GTF2F2: variants seen among roughly 807,000 people sequenced by gnomAD.
GTF2F2 encodes general transcription factor IIF subunit 2.
GTF2F2 carries 23 observed loss-of-function variants against 42.2 expected under a neutral mutation model. The observed-to-expected ratio is 0.55, with a 90% confidence interval of 0.39 to 0.77. The LOEUF (loss-of-function observed/expected upper bound fraction) is 0.77, where lower values mean the gene tolerates loss of function less well. Among genes scored for constraint, GTF2F2 ranks in the 30% least tolerant of loss-of-function variants. GTF2F2 has a pLI of 0.00. For missense variants in GTF2F2, 261 were observed against 287.2 expected, an observed-to-expected ratio of 0.91 and a Z score of 0.66; for synonymous variants, 105 against 100.8, an observed-to-expected ratio of 1.04 and a Z score of -0.25.
At chr13:45,162,981 G>A (rs1238212141) in intron 4 of GTF2F2, among the ~76,000 whole-genome samples, 2 of 143,638 alleles carry the variant, frequency 1.4e-5, no homozygotes, top group South Asian at 2.2e-4. Context: ...TGGAGTTGGC[G>A]TGTATTATTG....
chr13:45,236,221 T>C (rs759729176), intron 5 of GTF2F2, among the ~76,000 whole-genome samples: 1 of 152,146 alleles, frequency 6.6e-6, no homozygotes, highest in Non-Finnish European at 1.5e-5. Context: ...CTCTGAGTCA[T>C]ACATACCATC....
intron 2 of GTF2F2, among the ~76,000 whole-genome samples, chr13:45,139,373 C>G (rs954995220): frequency 6.6e-6 from 1 of 152,196 alleles, no homozygotes. Context: ...TGTCCACGCT[C>G]GTAATTCTGA....
chr13:45,248,576 C>G (rs1311516131), intron 5 of GTF2F2, among the ~76,000 whole-genome samples: 1 of 152,008 alleles, frequency 6.6e-6, no homozygotes, highest in African/African-American at 2.4e-5. Context: ...TGGGTTCAAG[C>G]AATTTTCCTG....
At chr13:45,271,549 A>AT (rs1231774727) in intron 7 of GTF2F2, among the ~76,000 whole-genome samples, 2 of 147,362 alleles carry the variant, frequency 1.4e-5, no homozygotes, top group Admixed American at 6.8e-5. Context: ...CACCCAGCTA[A>AT]TTTTTTTTTT....
chr13:45,180,287 A>T (rs1232815416), intron 4 of GTF2F2, among the ~76,000 whole-genome samples: 1 of 152,174 alleles, frequency 6.6e-6, no homozygotes, highest in African/African-American at 2.4e-5. Flanking sequence ...TCACAGTTAC[A>T]TCTCTTTTCT....
At chr13:45,173,507 A>G (rs967205095) in intron 4 of GTF2F2, among the ~76,000 whole-genome samples, 6 of 151,128 alleles carry the variant, frequency 4.0e-5, no homozygotes, top group African/African-American at 1.5e-4. Flanking sequence ...ACCCTTTGTA[A>G]CCGTGCCACC....
chr13:45,167,790 C>T (rs1871367084), intron 4 of GTF2F2, among the ~76,000 whole-genome samples: 1 of 152,126 alleles, frequency 6.6e-6, no homozygotes, highest in African/African-American at 2.4e-5. Flanking sequence ...GATCCTCCCA[C>T]CTCAGGCCTC....
intron 5 of GTF2F2, among the ~76,000 whole-genome samples, chr13:45,213,872 T>C (rs1873793536): frequency 6.6e-6 from 1 of 152,208 alleles, no homozygotes; most frequent in African/African-American, 2.4e-5. Context: ...CACGTGTCTC[T>C]TGCTTTGAGA....
At chr13:45,224,222 T>G (rs528533597) in intron 5 of GTF2F2, among the ~76,000 whole-genome samples, 1 of 152,372 alleles carries the variant, frequency 6.6e-6, no homozygotes, top group South Asian at 2.1e-4. Context: ...TATGTAGTTC[T>G]TCAGTCCCCT....
At chr13:45,159,515 C>T (rs1005592282) in intron 4 of GTF2F2, among the ~76,000 whole-genome samples, 1 of 152,204 alleles carries the variant, frequency 6.6e-6, no homozygotes, top group African/African-American at 2.4e-5. Flanking sequence ...CTCAGCCTCC[C>T]GAGTAGCAGA....
At chr13:45,203,854 G>A (rs1045309185) in intron 4 of GTF2F2, among the ~76,000 whole-genome samples, 1 of 152,096 alleles carries the variant, frequency 6.6e-6, no homozygotes, top group Non-Finnish European at 1.5e-5. Context: ...TGCTTCTGGT[G>A]TATTAAGATG....
chr13:45,229,330 T>C (rs1874550143), intron 5 of GTF2F2, among the ~76,000 whole-genome samples: 1 of 152,032 alleles, frequency 6.6e-6, no homozygotes, highest in African/African-American at 2.4e-5. Flanking sequence ...GCCTTCTTTG[T>C]ACAGCAAATT....
chr13:45,246,517 C>A (rs1018076100), intron 5 of GTF2F2, among the ~76,000 whole-genome samples: 2 of 152,186 alleles, frequency 1.3e-5, no homozygotes, highest in African/African-American at 2.4e-5. Flanking sequence ...TGAATATTAT[C>A]TTTCCTCTGG....
chr13:45,271,805 C>T (rs1342483835), intron 7 of GTF2F2, among the ~76,000 whole-genome samples: 2 of 152,082 alleles, frequency 1.3e-5, no homozygotes, highest in Non-Finnish European at 2.9e-5. Context: ...GCCCGTCAGA[C>T]AGGCTGCTTT....
At chr13:45,173,738 C>T (rs1871720383) in intron 4 of GTF2F2, among the ~76,000 whole-genome samples, 1 of 151,398 alleles carries the variant, frequency 6.6e-6, no homozygotes, top group African/African-American at 2.4e-5. Flanking sequence ...CTGCCTCAGC[C>T]CCCCGAGTAG....
intron 1 of GTF2F2, among the ~76,000 whole-genome samples, chr13:45,126,485 C>G (rs147109424): frequency 6.6e-6 from 1 of 152,058 alleles, no homozygotes; most frequent in African/African-American, 2.4e-5. Context: ...CTCCTGACCT[C>G]GTGATCCCCC....
At chr13:45,253,075 T>C (rs986979671) in intron 6 of GTF2F2, 105 bp downstream of exon 6, 3 of 525,012 alleles carry the variant, frequency 5.7e-6, no homozygotes, top group African/African-American at 2.0e-5. Context: ...CACCTTGCCA[T>C]CAGGTGCTTG....
At chr13:45,149,490 A>G (rs1870375456) in intron 2 of GTF2F2, among the ~76,000 whole-genome samples, 1 of 152,034 alleles carries the variant, frequency 6.6e-6, no homozygotes, top group Admixed American at 6.6e-5. Flanking sequence ...GAATTGTAAT[A>G]AGATCATTAT....
At chr13:45,133,555 T>A (rs751201670) in intron 1 of GTF2F2, among the ~76,000 whole-genome samples, 2 of 152,168 alleles carry the variant, frequency 1.3e-5, no homozygotes, top group Non-Finnish European at 1.5e-5. Flanking sequence ...ACTGGTGACT[T>A]CAAGTATTCT....
Sources: allele counts gnomAD v4.1 joint callset (sites outside exome capture counted in the v4.1 genomes callset), GRCh38; gene constraint gnomAD v4.1.1; transcripts MANE v1.5; gene names NCBI Gene and HGNC (gene_info 2026-07-23, HGNC 2026-07-21).